The following PTPRD variants were observed in gnomAD, a reference collection of about 807,000 sequenced individuals.
PTPRD encodes receptor-type tyrosine-protein phosphatase delta.
In PTPRD, 34 loss-of-function variants were observed where a neutral mutation model predicts 214.5. The observed-to-expected ratio is 0.16, with a 90% CI of 0.12 to 0.21. The LOEUF (loss-of-function observed/expected upper bound fraction) is 0.21, where lower values mean the gene tolerates loss of function less well. PTPRD is among the 10% of genes least tolerant of loss of function. The pLI, the probability that PTPRD is intolerant of heterozygous loss-of-function variation, is 1.00. For synonymous variants in PTPRD, 1,128 were observed against 845.7 expected (o/e 1.33, Z -5.79); for missense variants, 2,545 against 2,398.7 (o/e 1.06, Z -1.27).
intron 9 of PTPRD, among the ~76,000 whole-genome samples, chr9:9,297,578 A>C (rs1414967314): frequency 6.6e-6 from 1 of 151,714 alleles, no homozygotes; most frequent in Non-Finnish European, 1.5e-5. Context: ...TTTCCACAGA[A>C]ATATATAAAT....
At chr9:9,790,401 T>C (rs2098959062) in intron 5 of PTPRD, among the ~76,000 whole-genome samples, 1 of 152,196 alleles carries the variant, frequency 6.6e-6, no homozygotes, top group South Asian at 2.1e-4. Flanking sequence ...CTTCCCTGCT[T>C]ATTGTTTTCT....
At chr9:8,723,838 C>T (rs1314774619) in intron 12 of PTPRD, among the ~76,000 whole-genome samples, 3 of 151,956 alleles carry the variant, frequency 2.0e-5, no homozygotes, top group Non-Finnish European at 2.9e-5. Flanking sequence ...TTATACTTTC[C>T]GTATTTTTAG....
chr9:8,629,939 C>G (rs530276476), intron 14 of PTPRD, among the ~76,000 whole-genome samples: 82 of 151,812 alleles, frequency 5.4e-4, no homozygotes, highest in African/African-American at 1.8e-3. Context: ...AAACAAGCTA[C>G]GAAGGGAAAC....
chr9:10,309,087 G>A (rs1279954242), intron 3 of PTPRD, among the ~76,000 whole-genome samples: 1 of 151,848 alleles, frequency 6.6e-6, no homozygotes, highest in Non-Finnish European at 1.5e-5. Flanking sequence ...GTATATATGG[G>A]TACTAGTTTT....
chr9:8,660,917 G>T (rs1457134509), intron 12 of PTPRD, among the ~76,000 whole-genome samples: 1 of 151,892 alleles, frequency 6.6e-6, no homozygotes, highest in Non-Finnish European at 1.5e-5. Flanking sequence ...CCTTCATATG[G>T]CATCTCAGAC....
At chr9:8,923,637 AG>A (rs2098843734) in intron 11 of PTPRD, among the ~76,000 whole-genome samples, 1 of 152,236 alleles carries the variant, frequency 6.6e-6, no homozygotes, top group Non-Finnish European at 1.5e-5. Context: ...AAAGTTACTC[AG>A]AGCCCTTTAA....
chr9:10,547,529 AT>A (rs1158300720), intron 2 of PTPRD, among the ~76,000 whole-genome samples: 4 of 152,220 alleles, frequency 2.6e-5, no homozygotes, highest in East Asian at 1.9e-4. Context: ...GATTAAAAAA[AT>A]CTCATTCCCC....
chr9:10,352,962 T>C (rs2097207302), intron 2 of PTPRD, among the ~76,000 whole-genome samples: 1 of 151,860 alleles, frequency 6.6e-6, no homozygotes, highest in Non-Finnish European at 1.5e-5. Context: ...TATTCAACAG[T>C]TTTTGGTTGA....
At position 8,795,007 on chromosome 9, in the gene PTPRD, T is replaced by C. The variant is rs566279863; in HGVS notation, c.-103-61061A>G. On this transcript the variant is annotated intron_variant, in intron 11 of 45. Coordinates refer to ENST00000381196, the MANE Select transcript of PTPRD (RefSeq NM_002839.4). ...AACAAAGTTGTTTATCTTCTTGGCA[T>C]GCACTTACATTTCTTGAATTCATAA... Among the ~76,000 whole-genome samples, 13 of 152,266 alleles carry C rather than the reference T, an allele frequency of 8.5e-5. No individual in the cohort carries two copies. In the South Asian group the frequency reaches 2.1e-3, roughly 24 times the overall value.
chr9:9,223,766 T>C (rs1420823881), intron 9 of PTPRD, among the ~76,000 whole-genome samples: 3 of 152,002 alleles, frequency 2.0e-5, no homozygotes, highest in African/African-American at 7.2e-5. Context: ...GGTTTAATTA[T>C]AATTGAGTAT....
At chr9:10,156,759 T>G (rs2099095824) in intron 3 of PTPRD, among the ~76,000 whole-genome samples, 1 of 152,196 alleles carries the variant, frequency 6.6e-6, no homozygotes, top group Admixed American at 6.6e-5. Flanking sequence ...TATTGTTGCA[T>G]GGGAGTCTAA....
At chr9:9,023,577 T>G (rs1589980322) in intron 10 of PTPRD, among the ~76,000 whole-genome samples, 1 of 152,080 alleles carries the variant, frequency 6.6e-6, no homozygotes, top group East Asian at 1.9e-4. Flanking sequence ...GGGGTCCATG[T>G]GCAGGTTTGT....
At chr9:8,881,389 G>C (rs1038883638) in intron 11 of PTPRD, among the ~76,000 whole-genome samples, 1 of 152,146 alleles carries the variant, frequency 6.6e-6, no homozygotes, top group Non-Finnish European at 1.5e-5. Flanking sequence ...GGTTAGGTCA[G>C]ACATATTAGG....
chr9:9,600,930 G>A (rs986243324), intron 7 of PTPRD, among the ~76,000 whole-genome samples: 1 of 151,884 alleles, frequency 6.6e-6, no homozygotes, highest in Non-Finnish European at 1.5e-5. Flanking sequence ...TGGCTTTCTT[G>A]TTTTTGGTTT....
At position 9,286,060 on chromosome 9, in the gene PTPRD, AAAAAATGTTGTTAGT is replaced by A. The variant is rs1949250672; in HGVS notation, c.-202-102712_-202-102698del. On this transcript the variant is annotated intron_variant, in intron 9 of 45. Coordinates refer to ENST00000381196, the MANE Select transcript of PTPRD (RefSeq NM_002839.4). The stretch of plus-strand genomic sequence containing the variant: ...CTTCCCATCCTATGAATTCTATCCT[AAAAAATGTTGTTAGT>A]ATACATAAATTTTCTGTGGTAAATT... Among the ~76,000 whole-genome samples, 7 of 151,824 alleles carry A rather than the reference AAAAAATGTTGTTAGT, an allele frequency of 4.6e-5. 1 individual carries two copies. The South Asian group carries it at 1.5e-3, about 32-fold the overall frequency.
intron 35 of PTPRD, among the ~76,000 whole-genome samples, chr9:8,431,479 T>G (rs2095050029): frequency 6.6e-6 from 1 of 152,176 alleles, no homozygotes; most frequent in Admixed American, 6.6e-5. Flanking sequence ...TGTATTTCCT[T>G]GAGAATTTCT....
intron 11 of PTPRD, among the ~76,000 whole-genome samples, chr9:8,890,505 C>T (rs549369878): frequency 1.6e-4 from 24 of 152,304 alleles, no homozygotes; most frequent in African/African-American, 5.3e-4. Flanking sequence ...TAGACTTCAT[C>T]TTTTGGGTCA....
chr9:9,494,575 T>A lies in PTPRD; in HGVS notation c.-237+80157A>T, dbSNP rs544168698. Among the ~76,000 whole-genome samples, 5 of 152,232 alleles carry A rather than the reference T, an allele frequency of 3.3e-5. No homozygotes were observed. In the East Asian group the frequency reaches 7.7e-4, roughly 24 times the overall value. On this transcript the variant is annotated intron_variant, in intron 8 of 45. Coordinates refer to ENST00000381196, the MANE Select transcript of PTPRD (RefSeq NM_002839.4). Reference sequence around the variant, plus strand: ...CAGTTGTACTTTTATACACTAACAATGAGCAATTTGAAATAAAAAATAAAA... The same window carrying A: ...CAGTTGTACTTTTATACACTAACAAAGAGCAATTTGAAATAAAAAATAAAA...
At chr9:9,524,915 T>C (rs978416209) in intron 8 of PTPRD, among the ~76,000 whole-genome samples, 2 of 152,204 alleles carry the variant, frequency 1.3e-5, no homozygotes, top group African/African-American at 2.4e-5. Flanking sequence ...TGGAGTACAG[T>C]GGCGCAATCT....
Sources: allele counts gnomAD v4.1 joint callset (sites outside exome capture counted in the v4.1 genomes callset), GRCh38; gene constraint gnomAD v4.1.1; transcripts MANE v1.5; gene names NCBI Gene and HGNC (gene_info 2026-07-23, HGNC 2026-07-21).